FER: variants seen among roughly 807,000 people sequenced by gnomAD.
The protein encoded by FER is tyrosine-protein kinase Fer.
A neutral mutation model predicts 111.0 loss-of-function variants in FER; 63 were observed. That is an observed-to-expected ratio of 0.57 (90% CI 0.46 to 0.70). The LOEUF (loss-of-function observed/expected upper bound fraction) is 0.70, where lower values mean the gene tolerates loss of function less well. FER is among the 30% of genes least tolerant of loss of function. FER has a pLI of 0.00. For missense variants in FER, 914 were observed against 954.0 expected (o/e 0.96, Z 0.55); for synonymous variants, 327 against 313.9 (o/e 1.04, Z -0.44).
intron 17 of FER, among the ~76,000 whole-genome samples, chr5:109,123,459 T>A (rs1751274518): frequency 6.6e-6 from 1 of 151,990 alleles, no homozygotes; most frequent in African/African-American, 2.4e-5. Context: ...CCAGCCTTGT[T>A]TTTTTGTTGG....
rs191343687 is a variant in FER, at chr5:108,787,403, T to A, written c.-59-10721T>A. ...GTCAGTTTGGGTGCCGTGGATGGCA[T>A]GTTAAAGGCAGACAGGTTCCTAGGC... On this transcript the variant is annotated intron_variant, in intron 2 of 19. Coordinates refer to ENST00000281092, the MANE Select transcript of FER (RefSeq NM_005246.4). Among the ~76,000 whole-genome samples the A allele has an allele frequency of 7.9e-5, 12 of 152,228 alleles. No individual in the cohort carries two copies. The East Asian group carries it at 2.3e-3, about 29-fold the overall frequency.
rs965741499 is a variant in FER at position 109,192,058 on chromosome 5, G to A, written c.*4483G>A. 1 of 152,098 alleles carries A rather than the reference G, an allele frequency of 6.6e-6. No individual in the cohort carries two copies. The highest frequency in any genetic ancestry group is 1.5e-5 in the Non-Finnish European group (1 of 68,012). The allele number at this position is 152,098 out of a possible 1,614,324, so 9.4% of individuals were successfully genotyped here. A position where few individuals can be genotyped will look rare whatever the true frequency, so the allele number is the denominator to read the frequency against. ...TCAGAAATTAAATTCTGAACTTTTA[G>A]TGTAGGCATTAGGAATCACTTAGCC... is the stretch of plus-strand genomic sequence containing the variant. On this transcript the variant is annotated 3_prime_UTR_variant, in exon 20 of 20. Coordinates refer to ENST00000281092, the MANE Select transcript of FER (RefSeq NM_005246.4).
intron 1 of FER, chr5:108,748,658 C>A (rs1263292442): frequency 6.6e-6 from 1 of 152,316 alleles, no homozygotes; most frequent in Non-Finnish European, 1.5e-5. Context: ...AAAGCGGCGA[C>A]CGCAGCTCCG....
intron 10 of FER, among the ~76,000 whole-genome samples, chr5:108,915,334 G>A (rs768999551): frequency 3.3e-5 from 5 of 151,998 alleles, no homozygotes; most frequent in East Asian, 3.9e-4. Context: ...TTAGCCAGGC[G>A]TGGTGGTGTC....
In FER at chr5:109,190,129, T is replaced by C. The variant is rs1439669429; in HGVS notation, c.*2554T>C. The C allele has an allele frequency of 6.6e-6, 1 of 152,192 alleles. No individual in the cohort carries two copies. The highest frequency in any genetic ancestry group is 2.4e-5 in the African/African-American group (1 of 41,464). 9.4% of individuals were successfully genotyped at this position (152,192 alleles called of 1,614,324 possible). ...GCTTGAAGCATAATTTATTCATCCC[T>C]TCTGTCACTGATAATTAATTATTGG... On this transcript the variant is annotated 3_prime_UTR_variant, in exon 20 of 20. Coordinates refer to ENST00000281092, the MANE Select transcript of FER (RefSeq NM_005246.4).
intron 3 of FER, chr5:108,820,428 C>A: frequency 1.0e-6 from 1 of 985,266 alleles, no homozygotes; most frequent in Non-Finnish European, 1.2e-6. Flanking sequence ...GGTTACTGTT[C>A]TTCAAAAGAA....
chr5:108,927,250 C>CTTT lies in FER; in HGVS notation c.1237-18879_1237-18878insTTT, dbSNP rs773963733. Reference sequence around the variant, plus strand: ...CATGTAATTCAGCATTGAGAAGTGGCTCTTTTTTTTTTTTTTTTTTTGAGA... The same window carrying CTTT: ...CATGTAATTCAGCATTGAGAAGTGGCTTTTCTTTTTTTTTTTTTTTTTTTGAGA... On this transcript the variant is annotated intron_variant, in intron 10 of 19. Coordinates refer to ENST00000281092, the MANE Select transcript of FER (RefSeq NM_005246.4). Among the ~76,000 whole-genome samples the CTTT allele has an allele frequency of 1.7e-3, 165 of 95,322 alleles. 1 individual carries two copies. Among genetic ancestry groups the CTTT allele is most frequent in the African/African-American group, 6.2e-3 (84 of 13,472 alleles). 62.5% of individuals were successfully genotyped at this position (95,322 alleles called of 152,430 possible).
At chr5:108,987,990 G>T (rs1288221388) in intron 13 of FER, among the ~76,000 whole-genome samples, 2 of 152,140 alleles carry the variant, frequency 1.3e-5, no homozygotes, top group East Asian at 3.9e-4. Context: ...ATTGCTGAGG[G>T]TGTTAATCAC....
At chr5:109,025,702 T>G (rs1307735986) in intron 13 of FER, among the ~76,000 whole-genome samples, 1 of 151,802 alleles carries the variant, frequency 6.6e-6, no homozygotes, top group Non-Finnish European at 1.5e-5. Context: ...TTGTGCCAGT[T>G]TTCAAAGGGA....
At chr5:108,862,604 A>T (rs1156302634) in intron 5 of FER, among the ~76,000 whole-genome samples, 3 of 152,146 alleles carry the variant, frequency 2.0e-5, no homozygotes, top group African/African-American at 7.2e-5. Flanking sequence ...AATTGATTAT[A>T]CCTTTTGAAC....
At chr5:108,946,472 T>C (rs1310426000) in intron 11 of FER, among the ~76,000 whole-genome samples, 1 of 152,012 alleles carries the variant, frequency 6.6e-6, no homozygotes, top group Non-Finnish European at 1.5e-5. Flanking sequence ...ACTTGAATTA[T>C]AGGCTTCCTT....
At chr5:108,974,104 A>C (rs996346079) in intron 13 of FER, among the ~76,000 whole-genome samples, 1 of 152,178 alleles carries the variant, frequency 6.6e-6, no homozygotes, top group African/African-American at 2.4e-5. Context: ...AACATTCAAT[A>C]AATACGTATT....
intron 17 of FER, among the ~76,000 whole-genome samples, chr5:109,109,189 A>T (rs145693564): frequency 1.1e-3 from 160 of 151,648 alleles, no homozygotes; most frequent in African/African-American, 3.7e-3. Flanking sequence ...GTGATTTTAG[A>T]CCTCCCCTCC....
chr5:108,798,239 C>G lies in FER; in HGVS notation c.57C>G (p.Asp19Glu). The G allele has an allele frequency of 6.2e-7, 1 of 1,614,000 alleles. No individual in the cohort carries two copies. The highest frequency in any genetic ancestry group is 8.5e-7 in the Non-Finnish European group (1 of 1,179,992). The change falls in exon 3 of 20, where the codon GAC becomes GAG. Residue 19 changes from aspartate (D) to glutamate (E), a missense_variant. Physicochemically the swap from Asp to Glu is conservative, Grantham distance 45 (BLOSUM62 2). Transcript: ENST00000281092. ...ATGAAGCAGTGTTAAAATTGCAAGA[C>G]TGGGAATTACGGTTACTGGAAACAG... The part of the protein sequence containing the change: ...NSHEAVLKLQ[D>E]WELRLLETVK...
intron 10 of FER, among the ~76,000 whole-genome samples, chr5:108,927,731 A>C (rs1341603582): frequency 6.6e-6 from 1 of 152,176 alleles, no homozygotes; most frequent in East Asian, 1.9e-4. Flanking sequence ...TCTCTGGTTT[A>C]GTCTCTTTTT....
chr5:108,814,516 T>G (rs1758082220), intron 3 of FER, among the ~76,000 whole-genome samples: 1 of 152,204 alleles, frequency 6.6e-6, no homozygotes, highest in Non-Finnish European at 1.5e-5. Context: ...CAAGGGTTTG[T>G]GATAAAGGAT....
At chr5:109,029,996 A>AT (rs1188714924) in intron 13 of FER, among the ~76,000 whole-genome samples, 3 of 151,234 alleles carry the variant, frequency 2.0e-5, no homozygotes, top group South Asian at 2.1e-4. Flanking sequence ...GGTTCTGTTC[A>AT]TTTTTTTTCA....
chr5:108,923,567 A>G (rs186850910), intron 10 of FER, among the ~76,000 whole-genome samples: 1 of 152,290 alleles, frequency 6.6e-6, no homozygotes, highest in Non-Finnish European at 1.5e-5. Context: ...GGCATCTAGT[A>G]GTTGTATCTT....
intron 10 of FER, among the ~76,000 whole-genome samples, chr5:108,932,976 G>A (rs919713584): frequency 1.3e-5 from 2 of 151,116 alleles, no homozygotes; most frequent in African/African-American, 4.9e-5. Flanking sequence ...TAAGTTCCTT[G>A]TAGATTCTGG....
Sources: allele counts gnomAD v4.1 joint callset (sites outside exome capture counted in the v4.1 genomes callset), GRCh38; gene constraint gnomAD v4.1.1; transcripts MANE v1.5; gene names NCBI Gene and HGNC (gene_info 2026-07-23, HGNC 2026-07-21).